Variants in CADM2 observed in about 807,000 individuals in gnomAD.
CADM2 encodes the protein immunoglobulin superfamily member 4D.
CADM2 carries 12 observed loss-of-function variants against 49.8 expected under a neutral mutation model. The ratio of observed to expected loss-of-function variants is 0.24; its 90% confidence interval spans 0.15 to 0.39. The LOEUF (loss-of-function observed/expected upper bound fraction) is 0.39, where lower values mean the gene tolerates loss of function less well. CADM2 is among the 10% of genes least tolerant of loss of function. The pLI is 1.00. For missense variants in CADM2, 378 were observed against 492.3 expected (o/e 0.77, Z 2.20); for synonymous variants, 214 against 175.4 (o/e 1.22, Z -1.74).
intron 1 of CADM2, among the ~76,000 whole-genome samples, chr3:85,207,050 ATGTGTGTGTGTGTG>A (rs3085116): frequency 1.4e-5 from 2 of 144,882 alleles, no homozygotes; most frequent in Admixed American, 7.0e-5. Context: ...GAAGAAATAA[ATGTGTGTGTGTGTG>A]TGTGTGTGTG....
intron 1 of CADM2, among the ~76,000 whole-genome samples, chr3:85,345,409 A>C (rs779253182): frequency 6.6e-6 from 1 of 152,042 alleles, no homozygotes; most frequent in Non-Finnish European, 1.5e-5. Context: ...AAATTGAATC[A>C]CTTTTAAATG....
At chr3:85,249,684 A>G (rs17022612) in intron 1 of CADM2, among the ~76,000 whole-genome samples, 10,083 of 152,002 alleles carry the variant, frequency 0.066, 1,103 homozygotes, top group African/African-American at 0.23. Flanking sequence ...GCAAATGATA[A>G]AATGCAATAA....
At chr3:85,399,242 G>T (rs2034959596) in intron 1 of CADM2, among the ~76,000 whole-genome samples, 1 of 152,162 alleles carries the variant, frequency 6.6e-6, no homozygotes, top group Non-Finnish European at 1.5e-5. Flanking sequence ...TTATTAAATA[G>T]GGAATCCTTT....
At chr3:85,277,000 T>C (rs1431237298) in intron 1 of CADM2, among the ~76,000 whole-genome samples, 1 of 151,336 alleles carries the variant, frequency 6.6e-6, no homozygotes, top group Non-Finnish European at 1.5e-5. Flanking sequence ...ATGTTAAAAG[T>C]AAGCTTTATG....
chr3:86,061,991 G>GC (rs71128114), intron 8 of CADM2, among the ~76,000 whole-genome samples: 7 of 149,776 alleles, frequency 4.7e-5, no homozygotes, highest in Non-Finnish European at 8.9e-5. Context: ...GATGGTGGGG[G>GC]GGGGGTTGAA....
Position 86,069,269 on chromosome 3 carries a change from C to T in CADM2, c.*2486C>T, listed in dbSNP as rs906523238. The stretch of plus-strand genomic sequence containing the variant: ...TGGTTGCATTTCATGATTTTTGACT[C>T]TTTTAACCCTTCAGAGTAATATAAA... On this transcript the variant is annotated 3_prime_UTR_variant, in exon 10 of 10. Transcript: ENST00000383699. 24 of 151,934 alleles carry T rather than the reference C, an allele frequency of 1.6e-4. No individual in the cohort carries two copies. The highest frequency in any genetic ancestry group is 5.8e-4 in the African/African-American group (24 of 41,492). 9.4% of individuals were successfully genotyped at this position (151,934 alleles called of 1,614,324 possible).
intron 1 of CADM2, among the ~76,000 whole-genome samples, chr3:85,526,868 A>C (rs2061169385): frequency 6.6e-6 from 1 of 152,302 alleles, no homozygotes; most frequent in Admixed American, 6.5e-5. Context: ...ATATCCAAAA[A>C]TAGATAATTA....
intron 1 of CADM2, among the ~76,000 whole-genome samples, chr3:85,212,053 A>G (rs962277660): frequency 1.3e-5 from 2 of 151,838 alleles, no homozygotes; most frequent in Non-Finnish European, 2.9e-5. Context: ...TCTTTTTATA[A>G]TTTTTGTCGT....
chr3:85,705,808 T>C (rs994838108), intron 1 of CADM2, among the ~76,000 whole-genome samples: 2 of 152,202 alleles, frequency 1.3e-5, no homozygotes, highest in African/African-American at 4.8e-5. Flanking sequence ...GAGTCTACTT[T>C]AAATTCTGAA....
chr3:85,678,264 A>G (rs539638290), intron 1 of CADM2, among the ~76,000 whole-genome samples: 55 of 152,312 alleles, frequency 3.6e-4, no homozygotes, highest in Admixed American at 6.5e-4. Flanking sequence ...GAGCTGTGTC[A>G]ACCTAAAGCA....
chr3:85,082,892 G>A (rs191034076), intron 1 of CADM2, among the ~76,000 whole-genome samples: 5 of 152,102 alleles, frequency 3.3e-5, no homozygotes, highest in East Asian at 3.9e-4. Flanking sequence ...GCTGTTTAGC[G>A]AAATCCAACT....
chr3:85,859,503 A>G (rs1331199966), intron 3 of CADM2, among the ~76,000 whole-genome samples: 1 of 152,056 alleles, frequency 6.6e-6, no homozygotes, highest in Non-Finnish European at 1.5e-5. Context: ...AAGTGCTGGG[A>G]TTACAGGCAT....
At chr3:85,820,150 T>G (rs2073463245) in intron 3 of CADM2, among the ~76,000 whole-genome samples, 1 of 151,696 alleles carries the variant, frequency 6.6e-6, no homozygotes. Flanking sequence ...CAGACCAAAG[T>G]GGATAAGAAG....
At chr3:85,627,583 A>G (rs896272497) in intron 1 of CADM2, among the ~76,000 whole-genome samples, 7 of 152,038 alleles carry the variant, frequency 4.6e-5, no homozygotes, top group Non-Finnish European at 8.8e-5. Flanking sequence ...GACCAACTAT[A>G]TAATTACAGC....
At chr3:85,891,715 G>T (rs1714459309) in intron 5 of CADM2, among the ~76,000 whole-genome samples, 1 of 152,160 alleles carries the variant, frequency 6.6e-6, no homozygotes, top group South Asian at 2.1e-4. Context: ...TGACCTCTAG[G>T]AGCTGAAAGC....
At chr3:85,510,372 G>A (rs1463624530) in intron 1 of CADM2, among the ~76,000 whole-genome samples, 1 of 151,934 alleles carries the variant, frequency 6.6e-6, no homozygotes, top group East Asian at 1.9e-4. Flanking sequence ...TGGAAAATCA[G>A]CATATTCCAA....
intron 1 of CADM2, among the ~76,000 whole-genome samples, chr3:85,413,106 A>G (rs559973665): frequency 2.0e-3 from 257 of 128,892 alleles, no homozygotes; most frequent in Non-Finnish European, 3.5e-3. Flanking sequence ...GCACCACTGC[A>G]CTCCAGCCTG....
intron 1 of CADM2, among the ~76,000 whole-genome samples, chr3:85,154,112 A>T (rs1028594148): frequency 1.3e-5 from 2 of 152,222 alleles, no homozygotes; most frequent in Non-Finnish European, 2.9e-5. Flanking sequence ...GAGCTGAGAG[A>T]AGAAGGCTTC....
intron 1 of CADM2, among the ~76,000 whole-genome samples, chr3:85,230,634 C>G (rs376282269): frequency 2.6e-5 from 4 of 152,092 alleles, no homozygotes; most frequent in Admixed American, 2.6e-4. Flanking sequence ...TTCAGGAGAC[C>G]CTTTCTACTG....
Sources: allele counts gnomAD v4.1 joint callset (sites outside exome capture counted in the v4.1 genomes callset), GRCh38; gene constraint gnomAD v4.1.1; transcripts MANE v1.5; gene names NCBI Gene and HGNC (gene_info 2026-07-23, HGNC 2026-07-21).